The following SGPP1 variants were observed in gnomAD, a reference collection of about 807,000 sequenced individuals.
SGPP1 encodes sphingosine-1-phosphate phosphatase 1, also known as hSPP1.
In SGPP1, 21 loss-of-function variants were observed where a neutral mutation model predicts 33.0. The ratio of observed to expected loss-of-function variants is 0.64; its 90% CI spans 0.45 to 0.92. SGPP1 has a LOEUF of 0.92. Among genes scored for constraint, SGPP1 ranks in the 40% least tolerant of loss-of-function variants. SGPP1 has a pLI of 0.00. For missense variants in SGPP1, 543 were observed against 589.4 expected (o/e 0.92, Z 0.81); for synonymous variants, 239 against 241.2 (o/e 0.99, Z 0.08).
intron 1 of SGPP1, among the ~76,000 whole-genome samples, chr14:63,711,334 G>T (rs1885518376): frequency 6.6e-6 from 1 of 152,100 alleles, no homozygotes; most frequent in African/African-American, 2.4e-5. Context: ...GTTTTCTAGG[G>T]ATTTATATTG....
chr14:63,726,532 C>G (rs1204668470), intron 1 of SGPP1, among the ~76,000 whole-genome samples: 1 of 152,112 alleles, frequency 6.6e-6, no homozygotes, highest in East Asian at 1.9e-4. Context: ...GATCAAGAGC[C>G]CTATCTTTAA....
chr14:63,708,783 CTAAT>C (rs1885468451), intron 1 of SGPP1, among the ~76,000 whole-genome samples: 1 of 152,118 alleles, frequency 6.6e-6, no homozygotes, highest in Non-Finnish European at 1.5e-5. Flanking sequence ...CGTAGCTATT[CTAAT>C]TCACCTCATT....
intron 1 of SGPP1, among the ~76,000 whole-genome samples, chr14:63,707,803 A>G (rs1449419689): frequency 6.6e-6 from 1 of 152,106 alleles, no homozygotes; most frequent in Middle Eastern, 3.2e-3. Flanking sequence ...TCGAGGCTCC[A>G]GAAAACTTCT....
intron 1 of SGPP1, among the ~76,000 whole-genome samples, chr14:63,712,708 C>A (rs1207005149): frequency 6.6e-6 from 1 of 151,596 alleles, no homozygotes; most frequent in Admixed American, 6.6e-5. Context: ...TGCTCTGTTG[C>A]CCAGGCTGGA....
chr14:63,703,519 G>C (rs1885343779), intron 1 of SGPP1, among the ~76,000 whole-genome samples: 2 of 151,842 alleles, frequency 1.3e-5, no homozygotes, highest in Non-Finnish European at 2.9e-5. Context: ...TGGGCGTGGT[G>C]GCGCGTGCCT....
intron 2 of SGPP1, among the ~76,000 whole-genome samples, chr14:63,692,546 C>T (rs1022249313): frequency 6.6e-6 from 1 of 151,946 alleles, no homozygotes; most frequent in African/African-American, 2.4e-5. Context: ...ACCCCCTGGG[C>T]TCAATTGATC....
intron 1 of SGPP1, among the ~76,000 whole-genome samples, chr14:63,720,039 T>C (rs911631211): frequency 8.6e-5 from 13 of 150,862 alleles, no homozygotes; most frequent in African/African-American, 1.7e-4. Context: ...GGCAGGAGAA[T>C]TGCTTGAACC....
At chr14:63,690,610 C>T (rs1397774316) in intron 2 of SGPP1, among the ~76,000 whole-genome samples, 1 of 152,206 alleles carries the variant, frequency 6.6e-6, no homozygotes, top group African/African-American at 2.4e-5. Flanking sequence ...AAATCCTTCA[C>T]ATGAATTTGT....
At chr14:63,719,707 CCTT>C (rs915009161) in intron 1 of SGPP1, among the ~76,000 whole-genome samples, 14 of 150,712 alleles carry the variant, frequency 9.3e-5, no homozygotes, top group African/African-American at 3.0e-4. Context: ...TTTTCTCTCT[CCTT>C]CTGTTTGCCT....
At chr14:63,700,712 T>G (rs750611198) in intron 1 of SGPP1, among the ~76,000 whole-genome samples, 1 of 152,136 alleles carries the variant, frequency 6.6e-6, no homozygotes, top group African/African-American at 2.4e-5. Context: ...GTTGAAGAAA[T>G]AGTAATGCTC....
chr14:63,725,534 G>T (rs556903956), intron 1 of SGPP1, among the ~76,000 whole-genome samples: 1 of 152,058 alleles, frequency 6.6e-6, no homozygotes, highest in East Asian at 1.9e-4. Context: ...TCTAACATCC[G>T]GTCTACTTCA....
intron 1 of SGPP1, among the ~76,000 whole-genome samples, chr14:63,708,687 T>G (rs576713277): frequency 3.2e-4 from 49 of 152,338 alleles, no homozygotes; most frequent in African/African-American, 1.2e-3. Context: ...TAATTTTTAT[T>G]TGACATACAA....
chr14:63,707,485 T>C (rs1189688110), intron 1 of SGPP1, among the ~76,000 whole-genome samples: 1 of 151,824 alleles, frequency 6.6e-6, no homozygotes, highest in African/African-American at 2.4e-5. Flanking sequence ...CCAATAAATA[T>C]AGACGTCCAG....
At position 63,710,022 on chromosome 14, in the gene SGPP1, T is replaced by C. The variant is rs10135772; in HGVS notation, c.685-11364A>G. 4.1e-3 allele frequency among the ~76,000 whole-genome samples: 625 copies of C among 152,304 alleles called. 3 individuals carry two copies. Among genetic ancestry groups the C allele is most frequent in the African/African-American group, 0.014 (563 of 41,570 alleles). ...AAACAATTACAAAAACTGTCTTTAA[T>C]ACAATTTAAATTTTTCAGAGTAACT... On this transcript the variant is annotated intron_variant, in intron 1 of 2. Transcript: ENST00000247225.
Position 63,727,669 on chromosome 14 carries a change from C to G in SGPP1, c.276G>C (p.Gly92=), listed in dbSNP as rs1305701342. 8.2e-6 allele frequency: 11 copies of G among 1,338,850 alleles called. No homozygotes were observed. The East Asian group carries it at 2.5e-4, about 30-fold the overall frequency. The allele number at this position is 1,338,850 out of a possible 1,614,324, so 82.9% of individuals were successfully genotyped here. A position where few individuals can be genotyped will look rare whatever the true frequency, so the allele number is the denominator to read the frequency against. The part of the protein sequence containing the change: ...GGGAPNGVRN[G]LAAELGPASP... ...AGGCCGGGCCCAGCTCGGCCGCCAG[C>G]CCGTTCCGCACGCCGTTGGGGGCGC... Residue 92 remains glycine (G), a synonymous_variant, in exon 1 of 3, where the codon GGG becomes GGC. Coordinates refer to ENST00000247225, the MANE Select transcript of SGPP1 (RefSeq NM_030791.4).
At chr14:63,689,003 G>C (rs954929732) in intron 2 of SGPP1, among the ~76,000 whole-genome samples, 1 of 152,142 alleles carries the variant, frequency 6.6e-6, no homozygotes, top group Non-Finnish European at 1.5e-5. Context: ...TTACAGGCGT[G>C]AGCCACTGCA....
At position 63,686,365 on chromosome 14, in the gene SGPP1, G is replaced by A. The variant is rs371248974; in HGVS notation, c.1066C>T (p.Pro356Ser). The change falls in exon 3 of 3, where the codon CCC becomes TCC. Residue 356 changes from proline (P) to serine (S), a missense_variant. By Grantham distance (74) the Pro-to-Ser change is moderately conservative. Transcript: ENST00000247225. ...SLDTLPLAGP[P>S]ITVTLFGKAI... ...TTTCCAAACAGAGTCACAGTAATGG[G>A]GGGCCCAGCTAAAGGTAATGTATCT... 563 of 1,613,998 alleles carry A rather than the reference G, an allele frequency of 3.5e-4. No individual in the cohort carries two copies. Among genetic ancestry groups the A allele is most frequent in the Non-Finnish European group, 4.6e-4 (538 of 1,180,028 alleles).
intron 2 of SGPP1, among the ~76,000 whole-genome samples, chr14:63,695,797 G>C (rs1227292845): frequency 6.6e-6 from 1 of 152,140 alleles, no homozygotes; most frequent in Non-Finnish European, 1.5e-5. Context: ...TGTAGTCCTA[G>C]ACACCCGGGA....
intron 2 of SGPP1, among the ~76,000 whole-genome samples, chr14:63,695,886 G>C (rs1245526612): frequency 6.6e-6 from 1 of 152,182 alleles, no homozygotes; most frequent in Admixed American, 6.5e-5. Flanking sequence ...ACTCCAGCCT[G>C]GGTGACAGAG....
Sources: gnomAD v4.1 joint callset for allele counts (sites outside exome capture counted in the v4.1 genomes callset) on GRCh38, gnomAD v4.1.1 for gene constraint, MANE v1.5 for transcripts, NCBI Gene and HGNC (gene_info 2026-07-23, HGNC 2026-07-21) for gene names.